VPS53: variants seen among roughly 807,000 people sequenced by gnomAD.
VPS53 encodes the protein vacuolar protein sorting-associated protein 53 homolog.
Under a neutral mutation model 107.0 loss-of-function variants are expected in VPS53, and 70 were observed. The ratio of observed to expected loss-of-function variants is 0.65; its 90% CI spans 0.54 to 0.80. The LOEUF is 0.80. Ranked by LOEUF, VPS53 falls within the 30% of genes least tolerant of loss-of-function variation. The pLI is 0.00. For synonymous variants in VPS53, 409 were observed against 393.3 expected (o/e 1.04, Z -0.47); for missense variants, 917 against 1,049.4 (o/e 0.87, Z 1.74).
intron 6 of VPS53, among the ~76,000 whole-genome samples, chr17:654,558 G>A (rs899489726): frequency 1.3e-5 from 2 of 151,782 alleles, no homozygotes; most frequent in Non-Finnish European, 1.5e-5. Flanking sequence ...CTAACACGGC[G>A]AAACCCCGTC....
intron 17 of VPS53, among the ~76,000 whole-genome samples, chr17:548,322 C>T (rs1334613963): frequency 6.6e-6 from 1 of 152,262 alleles, no homozygotes; most frequent in Non-Finnish European, 1.5e-5. Flanking sequence ...AAGTCTCCTT[C>T]CGTCAACTCA....
intron 12 of VPS53, among the ~76,000 whole-genome samples, chr17:591,852 T>C (rs1215013600): frequency 5.3e-5 from 8 of 152,246 alleles, no homozygotes; most frequent in Middle Eastern, 3.4e-3. Context: ...TATATTCTGT[T>C]GATTTGGGGT....
chr17:655,464 A>C (rs1201037325), intron 6 of VPS53, among the ~76,000 whole-genome samples: 1 of 152,014 alleles, frequency 6.6e-6, no homozygotes, highest in East Asian at 1.9e-4. Context: ...CCTGGAGTGA[A>C]TATGGGCCCG....
At chr17:586,776 C>A (rs7215594) in intron 12 of VPS53, among the ~76,000 whole-genome samples, 7,941 of 152,244 alleles carry the variant, frequency 0.052, 678 homozygotes, top group African/African-American at 0.18. Context: ...CTGCTCCTCA[C>A]AATAATCCTT....
rs375925948 is a variant in VPS53 at position 535,756 on chromosome 17, T to C, written c.2015+1272A>G. Among the ~76,000 whole-genome samples the C allele has an allele frequency of 1.7e-3, 265 of 152,346 alleles. No individual in the cohort carries two copies. In the Middle Eastern group the frequency reaches 0.02, roughly 12 times the overall value. On this transcript the variant is annotated intron_variant, in intron 18 of 21. Coordinates refer to ENST00000437048, the MANE Select transcript of VPS53 (RefSeq NM_001128159.3). ...AGGGAATTTCACCTCCTGGTCCATC[T>C]GCCATCTGCAAACATTAATGCCTCC...
chr17:583,888 CT>C (rs1444043451), intron 13 of VPS53, among the ~76,000 whole-genome samples: 3 of 149,926 alleles, frequency 2.0e-5, no homozygotes, highest in African/African-American at 7.4e-5. Context: ...CCCAGAGAAC[CT>C]CCATCAGGAC....
chr17:515,956 C>CTTTTTTTTTT lies in VPS53; in HGVS notation c.*3162_*3171dup, dbSNP rs11361535. 15 of 109,590 alleles carry CTTTTTTTTTT rather than the reference C, an allele frequency of 1.4e-4. 1 individual carries two copies. The highest frequency in any genetic ancestry group is 2.5e-4 in the African/African-American group (6 of 24,120). The allele number at this position is 109,590 out of a possible 1,614,324, so 6.8% of individuals were successfully genotyped here. ...ATTACAGGCACCCGCCACCTGCCTGCTTTTTTTTTTTTTTTTTTTGTATTT... is the reference window on the plus strand; with the variant it reads ...ATTACAGGCACCCGCCACCTGCCTGCTTTTTTTTTTTTTTTTTTTTTTTTTTTTTGTATTT... On this transcript the variant is annotated 3_prime_UTR_variant, in exon 22 of 22. Transcript: ENST00000437048.
chr17:585,704 A>C (rs1967274981), intron 13 of VPS53, among the ~76,000 whole-genome samples: 1 of 152,194 alleles, frequency 6.6e-6, no homozygotes, highest in African/African-American at 2.4e-5. Flanking sequence ...AAGGAGACCA[A>C]GATCAAAGAG....
At chr17:695,891 A>G (rs1014677917) in intron 4 of VPS53, among the ~76,000 whole-genome samples, 1 of 152,152 alleles carries the variant, frequency 6.6e-6, no homozygotes, top group East Asian at 1.9e-4. Context: ...ACGGTGTCTG[A>G]AGAGGTAGAC....
At chr17:683,869 A>G (rs1972489774) in intron 4 of VPS53, among the ~76,000 whole-genome samples, 1 of 152,240 alleles carries the variant, frequency 6.6e-6, no homozygotes, top group South Asian at 2.1e-4. Flanking sequence ...TTGAAAACTG[A>G]CAAACAATAA....
intron 2 of VPS53, among the ~76,000 whole-genome samples, chr17:704,843 C>T (rs1427026628): frequency 6.6e-6 from 1 of 152,124 alleles, no homozygotes; most frequent in African/African-American, 2.4e-5. Context: ...TCAAATCTAA[C>T]ACTTCTTTTT....
At chr17:648,498 C>G (rs950420452) in intron 7 of VPS53, among the ~76,000 whole-genome samples, 10 of 152,212 alleles carry the variant, frequency 6.6e-5, no homozygotes, top group African/African-American at 2.4e-4. Flanking sequence ...TTGCAGTGAG[C>G]TGAGATTGTG....
At chr17:532,503 G>A (rs1909669921) in intron 19 of VPS53, 1 of 242,838 alleles carries the variant, frequency 4.1e-6, no homozygotes, top group East Asian at 8.9e-5. Flanking sequence ...CAGGTGATCT[G>A]CCTGCCCAGG....
intron 13 of VPS53, among the ~76,000 whole-genome samples, chr17:572,282 A>G (rs940856148): frequency 7.1e-6 from 1 of 140,878 alleles, no homozygotes; most frequent in Non-Finnish European, 1.5e-5. Flanking sequence ...GCCCCATCTG[A>G]GAAGGGAGGA....
In VPS53 at chr17:655,890, T is replaced by C. The variant is rs761331558; in HGVS notation, c.436A>G (p.Ile146Val). Residue 146 changes from isoleucine to valine, a missense_variant, in exon 6 of 22, where the codon ATC (isoleucine) becomes GTC (valine). Transcript: ENST00000437048. Reference protein sequence around the residue: ...DHAKRHLTTSITTLNHLHMLA... With the variant: ...DHAKRHLTTSVTTLNHLHMLA... ...ATGTGCAGGTGGTTCAGTGTGGTGA[T>C]TGAGGTGGTCAGGTGGCGTTTGGCG... 22 of 1,614,032 alleles carry C rather than the reference T, an allele frequency of 1.4e-5. No homozygotes were observed. The South Asian group carries it at 2.1e-4, about 15-fold the overall frequency.
Position 519,898 on chromosome 17 carries a change from C to T in VPS53, c.2256G>A (p.Val752=). 1 of 1,551,694 alleles carries T rather than the reference C, an allele frequency of 6.4e-7. No homozygotes were observed. The highest frequency in any genetic ancestry group is 1.2e-5 in the South Asian group (1 of 84,062). Residue 752 remains valine (V), a synonymous_variant, in exon 21 of 22, where the codon GTG becomes GTA. Coordinates refer to ENST00000437048, the MANE Select transcript of VPS53 (RefSeq NM_001128159.3). The surrounding 1 kb of genome is among the most constrained non-coding windows in gnomAD (Gnocchi z 5.0). ...GAAGTTTGATGTAGTTGTCAACAAA[C>T]ACCACCAACGGTTCATGAGGGGCCA... ...VVMAPHEPLV[V]FVDNYIKLLT...
At chr17:569,002 C>G (rs770587323) in intron 13 of VPS53, among the ~76,000 whole-genome samples, 3 of 152,200 alleles carry the variant, frequency 2.0e-5, no homozygotes, top group Non-Finnish European at 2.9e-5. Context: ...TGACACCGAG[C>G]AGCAATGAGC....
chr17:710,448 A>G (rs1973594688), intron 2 of VPS53, 85 bp downstream of exon 2: 11 of 1,030,420 alleles, frequency 1.1e-5, no homozygotes, highest in Non-Finnish European at 1.7e-5. Flanking sequence ...AAGGGCCCGT[A>G]GATGATCTAG....
At chr17:659,600 A>G (rs1380326635) in intron 5 of VPS53, among the ~76,000 whole-genome samples, 1 of 152,080 alleles carries the variant, frequency 6.6e-6, no homozygotes, top group East Asian at 1.9e-4. Flanking sequence ...GTCTTTAACC[A>G]CTGTGTTCAA....
Sources: allele counts gnomAD v4.1 joint callset (sites outside exome capture counted in the v4.1 genomes callset), GRCh38; gene constraint gnomAD v4.1.1; non-coding constraint Gnocchi (gnomAD v3.1); transcripts MANE v1.5; gene names NCBI Gene and HGNC (gene_info 2026-07-23, HGNC 2026-07-21).